SORCS1: variants seen among roughly 807,000 people sequenced by gnomAD.
SORCS1 encodes the protein sortilin related VPS10 domain containing receptor 1.
In SORCS1, 60 loss-of-function variants were observed where a neutral mutation model predicts 146.1. That is an observed-to-expected ratio of 0.41 (90% CI 0.33 to 0.51). SORCS1 has a LOEUF of 0.51. SORCS1 is among the 20% of genes least tolerant of loss of function. The pLI, the probability that SORCS1 is intolerant of heterozygous loss-of-function variation, is 0.21. For synonymous variants in SORCS1, 637 were observed against 584.0 expected, an observed-to-expected ratio of 1.09 and a Z score of -1.31; for missense variants, 1,352 against 1,487.6, an observed-to-expected ratio of 0.91 and a Z score of 1.50.
At chr10:106,689,708 TAAAG>T (rs980320543) in intron 9 of SORCS1, among the ~76,000 whole-genome samples, 2 of 152,172 alleles carry the variant, frequency 1.3e-5, no homozygotes, top group Non-Finnish European at 2.9e-5. Flanking sequence ...ATTCTACAGA[TAAAG>T]AAACTGAGAT....
chr10:106,917,259 G>A (rs1308252192), intron 2 of SORCS1, among the ~76,000 whole-genome samples: 1 of 152,056 alleles, frequency 6.6e-6, no homozygotes, highest in African/African-American at 2.4e-5. Context: ...TGTGTTTCTT[G>A]ATAAACTCTA....
At chr10:106,693,985 CA>C (rs915544156) in intron 9 of SORCS1, among the ~76,000 whole-genome samples, 6 of 149,070 alleles carry the variant, frequency 4.0e-5, no homozygotes, top group Non-Finnish European at 5.9e-5. Context: ...GCCAAAATTT[CA>C]AAAAAAAATT....
rs931292583 is a variant in SORCS1 at position 107,060,553 on chromosome 10, C to T, written c.558+103416G>A. 1.3e-5 allele frequency among the ~76,000 whole-genome samples: 2 copies of T among 152,180 alleles called. No individual in the cohort carries two copies. Among genetic ancestry groups the T allele is most frequent in the Admixed American group, 1.3e-4 (2 of 15,276 alleles). On this transcript the variant is annotated intron_variant, in intron 1 of 25. Transcript: ENST00000263054. The surrounding 1 kb of genome is among the most constrained non-coding windows in gnomAD (Gnocchi z 4.1). ...TATTTCCCAACATCCTCTCAGGCCT[C>T]AAGGACCTTCCTTGGGATCAAAGTC... is the stretch of plus-strand genomic sequence containing the variant.
intron 3 of SORCS1, among the ~76,000 whole-genome samples, chr10:106,777,886 T>C (rs1860574978): frequency 1.3e-5 from 2 of 152,150 alleles, no homozygotes; most frequent in South Asian, 4.1e-4. Flanking sequence ...CTGAATTTGG[T>C]TCAGGGAAGC....
intron 2 of SORCS1, among the ~76,000 whole-genome samples, chr10:106,883,584 GT>G (rs544113371): frequency 3.3e-5 from 5 of 151,846 alleles, no homozygotes; most frequent in African/African-American, 1.2e-4. Context: ...TAATTTTATT[GT>G]TGTATTTTTA....
chr10:107,050,585 C>A (rs1960008793), intron 1 of SORCS1, among the ~76,000 whole-genome samples: 1 of 152,140 alleles, frequency 6.6e-6, no homozygotes, highest in African/African-American at 2.4e-5. Flanking sequence ...TTAGTGGCAC[C>A]TCTCCTCAAA....
chr10:106,810,085 G>A (rs556182537), intron 3 of SORCS1, among the ~76,000 whole-genome samples: 8 of 152,236 alleles, frequency 5.3e-5, no homozygotes, highest in East Asian at 3.9e-4. Flanking sequence ...GCCAAGTGTC[G>A]TGGCACGCGC....
At chr10:107,009,601 A>G (rs923180494) in intron 1 of SORCS1, among the ~76,000 whole-genome samples, 5 of 152,210 alleles carry the variant, frequency 3.3e-5, no homozygotes, top group African/African-American at 1.2e-4. Flanking sequence ...TTCAAAGTTA[A>G]GTTTGTACTC....
intron 18 of SORCS1, among the ~76,000 whole-genome samples, chr10:106,636,704 C>A (rs1848746164): frequency 6.6e-6 from 1 of 152,178 alleles, no homozygotes; most frequent in South Asian, 2.1e-4. Context: ...ATAGGGATTA[C>A]ATTTTAAGAT....
intron 1 of SORCS1, among the ~76,000 whole-genome samples, chr10:107,113,207 T>TG (rs1965808154): frequency 6.6e-6 from 1 of 151,966 alleles, no homozygotes; most frequent in Non-Finnish European, 1.5e-5. Context: ...GAAATAATTA[T>TG]GAAAAACTCA....
intron 2 of SORCS1, among the ~76,000 whole-genome samples, chr10:106,863,974 C>A (rs929478957): frequency 6.6e-6 from 1 of 152,120 alleles, no homozygotes; most frequent in Non-Finnish European, 1.5e-5. Flanking sequence ...GTGGCAAAGG[C>A]TAGACCTGAA....
chr10:106,786,722 AACC>A (rs1946070306), intron 3 of SORCS1, among the ~76,000 whole-genome samples: 3 of 152,172 alleles, frequency 2.0e-5, no homozygotes, highest in African/African-American at 7.2e-5. Flanking sequence ...GAAGATAAGT[AACC>A]ACAACTATCT....
intron 18 of SORCS1, among the ~76,000 whole-genome samples, chr10:106,634,240 G>C (rs1477812456): frequency 6.6e-6 from 1 of 152,160 alleles, no homozygotes; most frequent in African/African-American, 2.4e-5. Flanking sequence ...ACTCCGGCGG[G>C]GCTAGGAAGT....
At chr10:106,668,336 G>A (rs1035051491) in intron 16 of SORCS1, among the ~76,000 whole-genome samples, 1 of 152,218 alleles carries the variant, frequency 6.6e-6, no homozygotes, top group Non-Finnish European at 1.5e-5. Flanking sequence ...ATGTCCTTCA[G>A]GAGTGTCTCG....
intron 1 of SORCS1, 88 bp downstream of exon 1, chr10:107,163,881 T>C: frequency 7.0e-7 from 1 of 1,430,140 alleles, no homozygotes; most frequent in Non-Finnish European, 9.5e-7. Context: ...AGAAACCCTA[T>C]TTCCCCCCAA....
At chr10:106,806,258 C>T (rs1350248146) in intron 3 of SORCS1, among the ~76,000 whole-genome samples, 1 of 150,418 alleles carries the variant, frequency 6.6e-6, no homozygotes, top group Non-Finnish European at 1.5e-5. Flanking sequence ...GTCCCAGCTA[C>T]TCAGGAGGCT....
intron 1 of SORCS1, among the ~76,000 whole-genome samples, chr10:107,003,429 AGTGTGTGTGTGTGTGTGTGTGTGTGT>A (rs59467041): frequency 1.4e-5 from 2 of 140,436 alleles, no homozygotes; most frequent in African/African-American, 5.2e-5. Flanking sequence ...AATTCCCATA[AGTGTGTGTGTGTGTGTGTGTGTGTGT>A]GTGTGTGTGT....
At chr10:106,612,161 A>G (rs1289454274) in intron 21 of SORCS1, 138 bp from the exon 22 acceptor site, 2 of 611,402 alleles carry the variant, frequency 3.3e-6, no homozygotes, top group Admixed American at 3.0e-5. Context: ...GCAAGCCACT[A>G]CCCTGTGAAT....
chr10:106,807,110 G>C (rs1947227451), intron 3 of SORCS1, among the ~76,000 whole-genome samples: 1 of 151,976 alleles, frequency 6.6e-6, no homozygotes, highest in Admixed American at 6.6e-5. Flanking sequence ...TAAATACTTA[G>C]CTTGTACTGC....
Sources: allele counts gnomAD v4.1 joint callset (sites outside exome capture counted in the v4.1 genomes callset), GRCh38; gene constraint gnomAD v4.1.1; non-coding constraint Gnocchi (gnomAD v3.1); transcripts MANE v1.5; gene names NCBI Gene and HGNC (gene_info 2026-07-23, HGNC 2026-07-21).